Variants in CARS2 observed in about 807,000 individuals in gnomAD.
CARS2 encodes cysteinyl-tRNA synthetase 2, mitochondrial.
A neutral mutation model predicts 68.8 loss-of-function variants in CARS2; 52 were observed. The ratio of observed to expected loss-of-function variants is 0.76; its 90% CI spans 0.61 to 0.95. CARS2 has a LOEUF of 0.95. Ranked by LOEUF, CARS2 falls within the 40% of genes least tolerant of loss-of-function variation. The probability of loss-of-function intolerance (pLI) is 0.00; values close to 1 mark genes in which losing one functional copy is unlikely to be tolerated. For synonymous variants in CARS2, 314 were observed against 303.6 expected (o/e 1.03, Z -0.36); for missense variants, 780 against 754.2 (o/e 1.03, Z -0.40).
chr13:110,654,921 CAAA>C (rs34662096), intron 9 of CARS2, among the ~76,000 whole-genome samples: 4 of 83,844 alleles, frequency 4.8e-5, no homozygotes, highest in African/African-American at 9.1e-5. Flanking sequence ...AACCCTCTCT[CAAA>C]AAAAAAAAAA....
At chr13:110,693,756 AAAAC>A (rs1218213875) in intron 3 of CARS2, among the ~76,000 whole-genome samples, 1 of 152,114 alleles carries the variant, frequency 6.6e-6, no homozygotes, top group African/African-American at 2.4e-5. Context: ...TCACTGCCAT[AAAAC>A]AAATAGACGA....
Position 110,679,026 on chromosome 13 carries a change from G to A in CARS2, c.656-1923C>T, listed in dbSNP as rs548508690. On this transcript the variant is annotated intron_variant, in intron 6 of 14. Coordinates refer to ENST00000257347, the MANE Select transcript of CARS2 (RefSeq NM_024537.4). ...GCCCACTGGTCATCCGGTCACGCCC[G>A]TTGTCCTTACCACACATGTGAACAG... 9.5e-3 allele frequency among the ~76,000 whole-genome samples: 1,442 copies of A among 151,856 alleles called. 27 individuals are homozygous for A. The highest frequency in any genetic ancestry group is 0.033 in the African/African-American group (1,370 of 41,402).
At chr13:110,682,452 G>A (rs1426845156) in intron 6 of CARS2, among the ~76,000 whole-genome samples, 1 of 152,202 alleles carries the variant, frequency 6.6e-6, no homozygotes, top group Admixed American at 6.5e-5. Context: ...AGTTTATGGC[G>A]CAGAAAGACA....
At chr13:110,669,936 C>T (rs1358949064) in intron 7 of CARS2, among the ~76,000 whole-genome samples, 1 of 152,198 alleles carries the variant, frequency 6.6e-6, no homozygotes, top group Non-Finnish European at 1.5e-5. Context: ...TCGGAGGGTC[C>T]CACGCCCACG....
At chr13:110,651,980 G>A (rs554100951) in intron 9 of CARS2, among the ~76,000 whole-genome samples, 27 of 152,328 alleles carry the variant, frequency 1.8e-4, no homozygotes, top group African/African-American at 3.4e-4. Flanking sequence ...CCAGGGACGC[G>A]CTCCGACGGG....
intron 12 of CARS2, chr13:110,644,739 C>G (rs1378609208): frequency 6.4e-6 from 3 of 471,356 alleles, no homozygotes; most frequent in Non-Finnish European, 7.5e-6. Flanking sequence ...TCAGGCTTCG[C>G]GGGTGAAGCA....
chr13:110,663,872 C>T (rs2062576234), intron 8 of CARS2: 6 of 1,047,888 alleles, frequency 5.7e-6, no homozygotes, highest in Non-Finnish European at 6.9e-6. Flanking sequence ...AGATACTGGT[C>T]AGCATCTGAA....
chr13:110,708,171 T>C (rs985061090), upstream of CARS2, among the ~76,000 whole-genome samples: 25 of 152,150 alleles, frequency 1.6e-4, no homozygotes, highest in African/African-American at 5.8e-4. Flanking sequence ...TGTTTTGCTG[T>C]GGCTGGAAAA....
exon 1 of CARS2, chr13:110,713,493 C>G (rs2064064047): frequency 1.0e-6 from 1 of 987,128 alleles, no homozygotes. Flanking sequence ...TGACGCTGTC[C>G]CCTCCGCGAC....
At chr13:110,699,141 G>A (rs1033009944) in intron 3 of CARS2, among the ~76,000 whole-genome samples, 6 of 152,240 alleles carry the variant, frequency 3.9e-5, no homozygotes, top group African/African-American at 9.6e-5. Context: ...GCCAGATGCT[G>A]GCACCTTGAT....
rs1339301287 is a variant in CARS2 at position 110,645,972 on chromosome 13, G to GGAA, written c.1311_1312insTTC (p.Ser437_Leu438insPhe). ...CCACCTGTTCGTTGAGCTACCTTCAGGGACGCCCTGAGCTGTCCATTCCCG... is the reference window on the plus strand; with the variant it reads ...CCACCTGTTCGTTGAGCTACCTTCAGGAAGGACGCCCTGAGCTGTCCATTCCCG... On this transcript the variant is annotated inframe_insertion, in exon 12 of 15. Transcript: ENST00000257347. 15 of 1,612,404 alleles carry GGAA rather than the reference G, an allele frequency of 9.3e-6. No individual in the cohort carries two copies. The African/African-American group carries it at 1.9e-4, about 20-fold the overall frequency.
chr13:110,694,031 G>A (rs2063551342), intron 3 of CARS2, among the ~76,000 whole-genome samples: 2 of 151,806 alleles, frequency 1.3e-5, no homozygotes. Context: ...TTTTTGTTTT[G>A]TTTTTTATTT....
chr13:110,693,609 T>C (rs1389429334), intron 3 of CARS2, among the ~76,000 whole-genome samples: 2 of 152,144 alleles, frequency 1.3e-5, no homozygotes, highest in African/African-American at 4.8e-5. Context: ...TCCACCTGCC[T>C]TAGCCTCCCA....
At chr13:110,664,282 G>T in intron 8 of CARS2, 1 of 799,582 alleles carries the variant, frequency 1.3e-6, no homozygotes, top group Non-Finnish European at 1.5e-6. Context: ...TAAGGTGGAA[G>T]GACCGCTTGA....
chr13:110,703,452 T>A (rs1353651020), intron 2 of CARS2, among the ~76,000 whole-genome samples: 1 of 152,186 alleles, frequency 6.6e-6, no homozygotes, highest in East Asian at 1.9e-4. Flanking sequence ...CACCAGCCCC[T>A]GGGAAGGCCC....
At position 110,701,469 on chromosome 13, in the gene CARS2, A is replaced by G; in HGVS notation, c.362T>C (p.Val121Ala). ...SIVMVMGITD[V>A]DDKIIKRANE... is the part of the protein sequence containing the mutation. ...GGCTCTTTTGATGATTTTATCATCT[A>G]CATCTGTAATACCCATCACCATGAC... The change falls in exon 3 of 15, where the codon GTA (valine) becomes GCA (alanine). Residue 121 changes from valine to alanine, a missense_variant. Transcript: ENST00000257347. 1 of 1,556,368 alleles carries G rather than the reference A, an allele frequency of 6.4e-7. No homozygotes were observed. The highest frequency in any genetic ancestry group is 1.1e-5 in the South Asian group (1 of 89,970).
upstream of CARS2, chr13:110,706,625 A>ACAGTGTGCACCC (rs2063966813): frequency 3.8e-5 from 1 of 26,642 alleles, no homozygotes; most frequent in Non-Finnish European, 2.2e-4. Flanking sequence ...TGCACCCCAA[A>ACAGTGTGCACCC]CACACATCTG....
rs1044656737 is a variant in CARS2, at chr13:110,665,312, G to A, written c.920-1794C>T. On this transcript the variant is annotated intron_variant, in intron 8 of 14. Coordinates refer to ENST00000257347, the MANE Select transcript of CARS2 (RefSeq NM_024537.4). The surrounding 1 kb of genome is among the most constrained non-coding windows in gnomAD (Gnocchi z 4.3). ...AATACAAAAATTAGCTGGGTATGGT[G>A]GTATGCACCTGTAGTCGCAGCTACT... The A allele has an allele frequency of 6.7e-5, 40 of 593,608 alleles. 1 individual carries two copies. The highest frequency in any genetic ancestry group is 7.8e-5 in the Non-Finnish European group (37 of 472,056). The allele number at this position is 593,608 out of a possible 1,614,324, so 36.8% of individuals were successfully genotyped here. A position where few individuals can be genotyped will look rare whatever the true frequency, so the allele number is the denominator to read the frequency against.
intron 7 of CARS2, among the ~76,000 whole-genome samples, chr13:110,667,951 AC>A (rs1281509608): frequency 3.9e-5 from 6 of 152,126 alleles, no homozygotes; most frequent in African/African-American, 1.4e-4. Context: ...CTCCATAAAA[AC>A]CGCGTTTCTG....
Sources: allele counts gnomAD v4.1 joint callset (sites outside exome capture counted in the v4.1 genomes callset), GRCh38; gene constraint gnomAD v4.1.1; non-coding constraint Gnocchi (gnomAD v3.1); transcripts MANE v1.5; gene names NCBI Gene and HGNC (gene_info 2026-07-23, HGNC 2026-07-21).